The following ADD3 variants were observed in gnomAD, a reference collection of about 807,000 sequenced individuals.
The protein encoded by ADD3 is adducin 3.
In ADD3, 25 loss-of-function variants were observed where a neutral mutation model predicts 80.2. The observed-to-expected ratio is 0.31, with a 90% CI of 0.23 to 0.44. The LOEUF is 0.44. Among genes scored for constraint, ADD3 ranks in the 20% least tolerant of loss-of-function variants. The pLI is 1.00. For missense variants in ADD3, 829 were observed against 847.5 expected (o/e 0.98, Z 0.27); for synonymous variants, 284 against 289.6 (o/e 0.98, Z 0.20).
rs186200842 is a variant in ADD3, at chr10:110,015,716, C to A, written c.-30+7417C>A. On this transcript the variant is annotated intron_variant, in intron 1 of 14. Transcript: ENST00000356080. ...TTTAAGTGGACATCAAATTTATTTT[C>A]AGTTAAAAATGCTGAAAGTAATACA... is the stretch of plus-strand genomic sequence containing the variant. Among the ~76,000 whole-genome samples, 111 of 152,060 alleles carry A rather than the reference C, an allele frequency of 7.3e-4. 2 individuals are homozygous for A. Among genetic ancestry groups the A allele is most frequent in the African/African-American group, 2.5e-3 (104 of 41,428 alleles).
intron 1 of ADD3, among the ~76,000 whole-genome samples, chr10:110,074,618 A>G (rs563416656): frequency 9.2e-5 from 14 of 151,792 alleles, no homozygotes; most frequent in Admixed American, 5.2e-4. Context: ...TATGTTTTCA[A>G]TTACTTTGTT....
At chr10:110,096,447 T>C (rs1009379493) in intron 1 of ADD3, among the ~76,000 whole-genome samples, 22 of 152,362 alleles carry the variant, frequency 1.4e-4, no homozygotes, top group African/African-American at 5.3e-4. Flanking sequence ...ACTTTAGTTA[T>C]CTGTTGCTGT....
chr10:110,022,484 A>G (rs1853792518), intron 1 of ADD3, among the ~76,000 whole-genome samples: 1 of 152,180 alleles, frequency 6.6e-6, no homozygotes, highest in Non-Finnish European at 1.5e-5. Flanking sequence ...TTCACATACC[A>G]TAAAATTCAC....
At chr10:110,108,327 G>A (rs1203565799) in intron 2 of ADD3, among the ~76,000 whole-genome samples, 1 of 152,112 alleles carries the variant, frequency 6.6e-6, no homozygotes, top group Non-Finnish European at 1.5e-5. Context: ...ATGCCTGCTA[G>A]CTTATTAGTT....
intron 1 of ADD3, chr10:110,016,512 G>A (rs1853013896): frequency 6.6e-6 from 1 of 152,232 alleles, no homozygotes. Flanking sequence ...AATGAGAGCA[G>A]TCTTTCAATA....
chr10:110,044,219 A>T (rs1856675279), intron 1 of ADD3, among the ~76,000 whole-genome samples: 2 of 152,166 alleles, frequency 1.3e-5, no homozygotes, highest in Non-Finnish European at 2.9e-5. Context: ...AGAAAACAAA[A>T]TTCTGTTGAA....
At chr10:110,022,134 C>T (rs1261138071) in intron 1 of ADD3, among the ~76,000 whole-genome samples, 1 of 151,370 alleles carries the variant, frequency 6.6e-6, no homozygotes, top group Non-Finnish European at 1.5e-5. Context: ...AGGGGTGAGT[C>T]TAATTTTTTT....
intron 1 of ADD3, chr10:110,077,124 T>A (rs1845461090): frequency 6.6e-6 from 1 of 152,218 alleles, no homozygotes; most frequent in Non-Finnish European, 1.5e-5. Flanking sequence ...TTTTTGTAAG[T>A]AATGGATTGT....
chr10:110,049,448 A>G (rs1857249491), intron 1 of ADD3, among the ~76,000 whole-genome samples: 1 of 152,186 alleles, frequency 6.6e-6, no homozygotes, highest in Admixed American at 6.5e-5. Context: ...CAGACACTCA[A>G]TGCCTGGGAA....
In ADD3 at chr10:110,135,048, TAACTC is replaced by T. The variant is rs758023771; in HGVS notation, c.*1433_*1437del. 2 of 152,220 alleles carry T rather than the reference TAACTC, an allele frequency of 1.3e-5. No individual in the cohort carries two copies. Among genetic ancestry groups the T allele is most frequent in the East Asian group, 1.9e-4 (1 of 5,204 alleles). 9.4% of individuals were successfully genotyped at this position (152,220 alleles called of 1,614,324 possible). ...GATCCAGAATGATCGTGGGTAAAAA[TAACTC>T]AAAGTGTTTCTTAAGGGTGAGTTGG... On this transcript the variant is annotated 3_prime_UTR_variant, in exon 15 of 15. Transcript: ENST00000356080.
At chr10:110,046,326 T>C (rs1314064096) in intron 1 of ADD3, among the ~76,000 whole-genome samples, 1 of 152,152 alleles carries the variant, frequency 6.6e-6, no homozygotes, top group East Asian at 1.9e-4. Context: ...TATGTATATA[T>C]ATAACATACA....
intron 1 of ADD3, among the ~76,000 whole-genome samples, chr10:110,031,251 CA>C (rs1293530307): frequency 2.6e-5 from 4 of 152,088 alleles, no homozygotes; most frequent in African/African-American, 9.7e-5. Flanking sequence ...CCAGCCTGGG[CA>C]ACAAGAGCAA....
intron 1 of ADD3, among the ~76,000 whole-genome samples, chr10:110,027,184 T>G (rs1251742283): frequency 2.6e-5 from 4 of 152,238 alleles, no homozygotes; most frequent in Non-Finnish European, 4.4e-5. Context: ...GTTTGCCATT[T>G]CTGATGAGAG....
intron 1 of ADD3, among the ~76,000 whole-genome samples, chr10:110,019,874 A>T (rs1363898481): frequency 6.6e-6 from 1 of 152,154 alleles, no homozygotes; most frequent in Admixed American, 6.5e-5. Flanking sequence ...GGCTCTATGT[A>T]TATGTGGCAC....
At chr10:110,126,560 A>G in intron 12 of ADD3, 57 bp downstream of exon 12, 1 of 1,190,372 alleles carries the variant, frequency 8.4e-7, no homozygotes, top group Non-Finnish European at 1.2e-6. Context: ...AATTTCATTG[A>G]TTTTTAAATA....
In ADD3 at chr10:110,124,155, A is replaced by C. The variant is rs779655273; in HGVS notation, c.1282A>C (p.Met428Leu). The C allele has an allele frequency of 6.2e-7, 1 of 1,614,194 alleles. No homozygotes were observed. Among genetic ancestry groups the C allele is most frequent in the South Asian group, 1.1e-5 (1 of 91,080 alleles). Residue 428 changes from methionine (M) to leucine (L), a missense_variant, in exon 10 of 15, where the codon ATG becomes CTG. Physicochemically the swap from Met to Leu is conservative, Grantham distance 15. Transcript: ENST00000356080. Reference protein sequence around the residue: ...DTVPLSPLKYMAQRQQREKTR... With the variant: ...DTVPLSPLKYLAQRQQREKTR... ...AGTGCCACTCTCTCCTCTCAAATAC[A>C]TGGCACAGAGGCAACAGCGTGAAAA...
chr10:110,107,155 A>G (rs757654428), intron 2 of ADD3, among the ~76,000 whole-genome samples: 9 of 152,144 alleles, frequency 5.9e-5, no homozygotes, highest in South Asian at 2.1e-4. Flanking sequence ...CTCAGATAAT[A>G]TGGTATAGTA....
intron 1 of ADD3, among the ~76,000 whole-genome samples, chr10:110,023,907 A>G (rs1853978047): frequency 6.6e-6 from 1 of 152,220 alleles, no homozygotes; most frequent in Non-Finnish European, 1.5e-5. Context: ...CAAGCAAATT[A>G]ACACAGGAAC....
chr10:110,096,922 G>A (rs555304990), intron 1 of ADD3, among the ~76,000 whole-genome samples: 1 of 152,112 alleles, frequency 6.6e-6, no homozygotes, highest in African/African-American at 2.4e-5. Context: ...AGGTGGAAAG[G>A]GCTCTACAAG....
Sources: gnomAD v4.1 joint callset for allele counts (sites outside exome capture counted in the v4.1 genomes callset) on GRCh38, gnomAD v4.1.1 for gene constraint, MANE v1.5 for transcripts, NCBI Gene and HGNC (gene_info 2026-07-23, HGNC 2026-07-21) for gene names.